Variants in ZNF763 observed in about 807,000 individuals in gnomAD.
ZNF763 encodes the protein zinc finger protein 763.
In ZNF763, 33 loss-of-function variants were observed where a neutral mutation model predicts 38.0. The ratio of observed to expected loss-of-function variants is 0.87; its 90% CI spans 0.66 to 1.16. ZNF763 has a LOEUF of 1.16. Ranked by LOEUF, ZNF763 falls within the 50% of genes most tolerant of loss-of-function variation. The pLI, the probability that ZNF763 is intolerant of heterozygous loss-of-function variation, is 0.00. For missense variants in ZNF763, 423 were observed against 469.1 expected (o/e 0.90, Z 0.91); for synonymous variants, 155 against 160.1 (o/e 0.97, Z 0.24).
chr19:11,980,177 C>T lies in ZNF763; in HGVS notation c.*1068C>T. The T allele has an allele frequency of 1.7e-6, 1 of 580,868 alleles. No homozygotes were observed. The allele number at this position is 580,868 out of a possible 1,614,324, so 36.0% of individuals were successfully genotyped here. On this transcript the variant is annotated 3_prime_UTR_variant, in exon 4 of 4. Coordinates refer to ENST00000358987, the MANE Select transcript of ZNF763 (RefSeq NM_001367172.2). ...GGTGAATCACCTGAGGTCAGGAGTT[C>T]AAGACTGGCCTGATCAATATGATGA...
intron 3 of ZNF763, 93 bp from the exon 4 acceptor site, chr19:11,978,023 C>T (rs1401248499): frequency 1.3e-6 from 2 of 1,483,306 alleles, no homozygotes; most frequent in African/African-American, 2.8e-5. Context: ...AAAGCCTACA[C>T]CTTGATGGAC....
intron 1 of ZNF763, among the ~76,000 whole-genome samples, chr19:11,970,033 C>T (rs1045869807): frequency 9.9e-5 from 15 of 152,158 alleles, no homozygotes; most frequent in African/African-American, 2.9e-4. Flanking sequence ...TGGGACCTCC[C>T]GAGGGAGCAG....
rs112513301 is a variant in ZNF763 at position 11,972,822 on chromosome 19, T to A, written c.4-4216T>A. Among the ~76,000 whole-genome samples, 719 of 152,204 alleles carry A rather than the reference T, an allele frequency of 4.7e-3. 5 individuals carry two copies. The highest frequency in any genetic ancestry group is 0.016 in the African/African-American group (681 of 41,516). The stretch of plus-strand genomic sequence containing the variant: ...AAACATCTTGACTGGCCAGATGCTG[T>A]GCCTCATACCTGTAATCCTACCACT... On this transcript the variant is annotated intron_variant, in intron 1 of 3. Coordinates refer to ENST00000358987, the MANE Select transcript of ZNF763 (RefSeq NM_001367172.2).
At chr19:11,969,387 G>A (rs545492822) in intron 1 of ZNF763, among the ~76,000 whole-genome samples, 7 of 152,318 alleles carry the variant, frequency 4.6e-5, no homozygotes, top group Non-Finnish European at 8.8e-5. Context: ...TTACAGGTGG[G>A]AGTCACTGCA....
At position 11,977,163 on chromosome 19, in the gene ZNF763, A is replaced by G; in HGVS notation, c.129A>G (p.Ile43Met). ...MLETFRNLTS[I>M]GKKWKDQNIE... Reference sequence around the variant, plus strand: ...AAACTTTCAGGAACCTGACCTCTATAGGTAAGGATGACAATATTCCTTCCC... The same window carrying G: ...AAACTTTCAGGAACCTGACCTCTATGGGTAAGGATGACAATATTCCTTCCC... Residue 43 changes from isoleucine to methionine, a missense_variant and splice_region_variant, in exon 2 of 4, where the codon ATA becomes ATG. Physicochemically the swap from Ile to Met is conservative, Grantham distance 10. Coordinates refer to ENST00000358987, the MANE Select transcript of ZNF763 (RefSeq NM_001367172.2). 1 of 1,614,072 alleles carries G rather than the reference A, an allele frequency of 6.2e-7. No individual in the cohort carries two copies. The highest frequency in any genetic ancestry group is 1.1e-5 in the South Asian group (1 of 91,066).
In ZNF763 at chr19:11,977,184, T is replaced by C; in HGVS notation, c.130+20T>C. On this transcript the variant is annotated intron_variant, in intron 2 of 3. Coordinates refer to ENST00000358987, the MANE Select transcript of ZNF763 (RefSeq NM_001367172.2). Reference sequence around the variant, plus strand: ...CTATAGGTAAGGATGACAATATTCCTTCCCTCAGTCCATTAGTGAACCAGT... The same window carrying C: ...CTATAGGTAAGGATGACAATATTCCCTCCCTCAGTCCATTAGTGAACCAGT... 1 of 1,613,684 alleles carries C rather than the reference T, an allele frequency of 6.2e-7. No individual in the cohort carries two copies. The highest frequency in any genetic ancestry group is 8.5e-7 in the Non-Finnish European group (1 of 1,179,852).
chr19:11,971,994 A>G (rs990864516), intron 1 of ZNF763, among the ~76,000 whole-genome samples: 5 of 151,960 alleles, frequency 3.3e-5, no homozygotes, highest in Non-Finnish European at 7.4e-5. Flanking sequence ...CCCAGGAGAC[A>G]GAGATTGCAG....
At chr19:11,973,717 AT>A (rs34111838) in intron 1 of ZNF763, among the ~76,000 whole-genome samples, 7,779 of 142,334 alleles carry the variant, frequency 0.055, 200 homozygotes, top group South Asian at 0.095. Flanking sequence ...GACCTTGTTA[AT>A]TTTTTTTTTT....
Position 11,974,443 on chromosome 19 carries a change from C to T in ZNF763, c.4-2595C>T, listed in dbSNP as rs372809118. 5.9e-4 allele frequency among the ~76,000 whole-genome samples: 90 copies of T among 151,776 alleles called. 1 individual carries two copies. Among genetic ancestry groups the T allele is most frequent in the African/African-American group, 2.0e-3 (81 of 41,332 alleles). ...AATTTCTGACCTCAGGTGATCCACC[C>T]GCCTTGGCCTCCCAAAATGCTCAAT... On this transcript the variant is annotated intron_variant, in intron 1 of 3. Coordinates refer to ENST00000358987, the MANE Select transcript of ZNF763 (RefSeq NM_001367172.2).
At chr19:11,975,846 C>T (rs1973478548) in intron 1 of ZNF763, among the ~76,000 whole-genome samples, 1 of 151,958 alleles carries the variant, frequency 6.6e-6, no homozygotes, top group Non-Finnish European at 1.5e-5. Flanking sequence ...CTTATTACAC[C>T]TGGATATATA....
At chr19:11,969,604 C>G (rs967429370) in intron 1 of ZNF763, among the ~76,000 whole-genome samples, 1 of 152,144 alleles carries the variant, frequency 6.6e-6, no homozygotes, top group East Asian at 1.9e-4. Flanking sequence ...CTCATTGCTT[C>G]TTATTTAAAT....
chr19:11,971,792 G>A (rs904341698), intron 1 of ZNF763, among the ~76,000 whole-genome samples: 8 of 152,072 alleles, frequency 5.3e-5, no homozygotes, highest in South Asian at 2.1e-4. Context: ...GGCCGGGCGC[G>A]GTGGCTCACG....
Position 11,978,650 on chromosome 19 carries a change from C to T in ZNF763, c.726C>T (p.Thr242=). ...TTAAATCCTTTAGTTATTCTGCTAC[C>T]CATCGAATACATGAAAGAACTCACA... ...QCVKSFSYSA[T]HRIHERTHTG... The change falls in exon 4 of 4, where the codon ACC becomes ACT. Residue 242 remains threonine, a synonymous_variant. Coordinates refer to ENST00000358987, the MANE Select transcript of ZNF763 (RefSeq NM_001367172.2). 6.2e-7 allele frequency: 1 copy of T among 1,613,930 alleles called. No individual in the cohort carries two copies.
At chr19:11,974,121 CT>C (rs1208555403) in intron 1 of ZNF763, among the ~76,000 whole-genome samples, 4 of 74,908 alleles carry the variant, frequency 5.3e-5, no homozygotes, top group Admixed American at 1.4e-4. Context: ...TTCTTTCTTT[CT>C]TTCTTTTCTT....
rs772129280 is a variant in ZNF763 at position 11,978,733 on chromosome 19, C to A, written c.809C>A (p.Ser270Tyr). 8 of 1,613,988 alleles carry A rather than the reference C, an allele frequency of 5.0e-6. No individual in the cohort carries two copies. Among genetic ancestry groups the A allele is most frequent in the East Asian group, 2.2e-5 (1 of 44,862 alleles). Residue 270 changes from serine (S) to tyrosine (Y), a missense_variant, in exon 4 of 4, where the codon TCT becomes TAT. Ser to Tyr is a moderately radical substitution (Grantham distance 144). Coordinates refer to ENST00000358987, the MANE Select transcript of ZNF763 (RefSeq NM_001367172.2). ...QCGKAFHSSS[S>Y]FQAHKRTHTG... ...GGGAAAGCATTCCATAGTTCCAGTT[C>A]TTTTCAAGCACATAAAAGAACCCAC...
At position 11,977,327 on chromosome 19, in the gene ZNF763, GTTT is replaced by G. The variant is rs779738129; in HGVS notation, c.131-42_131-40del. ...CATAGAATCTAATAATTTTTTCACA[GTTT>G]TATATTGCTTCAGGACTACTTTTCT... On this transcript the variant is annotated intron_variant, in intron 2 of 3. Transcript: ENST00000358987. The G allele has an allele frequency of 6.2e-6, 10 of 1,609,190 alleles. No individual in the cohort carries two copies. In the African/African-American group the frequency reaches 9.4e-5, roughly 15 times the overall value.
intron 1 of ZNF763, chr19:11,976,825 G>C (rs1973501819): frequency 5.1e-6 from 7 of 1,377,092 alleles, no homozygotes; most frequent in Admixed American, 6.3e-5. Flanking sequence ...TTATACTCCA[G>C]CCTGGGCAAC....
chr19:11,966,711 G>C (rs531189494), intron 1 of ZNF763, among the ~76,000 whole-genome samples: 25 of 152,204 alleles, frequency 1.6e-4, no homozygotes, highest in African/African-American at 5.8e-4. Context: ...TGAAGACTGG[G>C]CTTTTATAAG....
chr19:11,979,990 G>A lies in ZNF763; in HGVS notation c.*881G>A. On this transcript the variant is annotated 3_prime_UTR_variant, in exon 4 of 4. Transcript: ENST00000358987. ...CTGGAGAGAAACCCTATGAGTGTAAGCAATGTGGGAAAGCCTTTATTTCTT... is the reference window on the plus strand; with the variant it reads ...CTGGAGAGAAACCCTATGAGTGTAAACAATGTGGGAAAGCCTTTATTTCTT... 1.7e-6 allele frequency: 2 copies of A among 1,179,744 alleles called. No individual in the cohort carries two copies. Among genetic ancestry groups the A allele is most frequent in the East Asian group, 2.5e-5 (1 of 39,434 alleles). 73.1% of individuals were successfully genotyped at this position (1,179,744 alleles called of 1,614,324 possible). A position where few individuals can be genotyped will look rare whatever the true frequency, so the allele number is the denominator to read the frequency against.
Sources: allele counts gnomAD v4.1 joint callset (sites outside exome capture counted in the v4.1 genomes callset), GRCh38; gene constraint gnomAD v4.1.1; transcripts MANE v1.5; gene names NCBI Gene and HGNC (gene_info 2026-07-23, HGNC 2026-07-21).